WDSUB1: variants seen among roughly 807,000 people sequenced by gnomAD.
WDSUB1 encodes the protein WD repeat, sterile alpha motif and U-box domain containing 1, also known as WD repeat, SAM and U-box domain-containing protein 1.
In WDSUB1, 49 loss-of-function variants were observed where a neutral mutation model predicts 53.9. The observed-to-expected ratio is 0.91, with a 90% CI of 0.72 to 1.15. The LOEUF is 1.15. WDSUB1 is among the 50% of genes most tolerant of loss of function. The pLI, the probability that WDSUB1 is intolerant of heterozygous loss-of-function variation, is 0.00. For missense variants in WDSUB1, 514 were observed against 562.0 expected (o/e 0.91, Z 0.86); for synonymous variants, 194 against 200.6 (o/e 0.97, Z 0.28).
At chr2:159,282,136 T>C (rs1252202952) in intron 2 of WDSUB1, among the ~76,000 whole-genome samples, 1 of 152,126 alleles carries the variant, frequency 6.6e-6, no homozygotes, top group African/African-American at 2.4e-5. Context: ...GCAAATCTAC[T>C]ATAAGAATCA....
intron 10 of WDSUB1, among the ~76,000 whole-genome samples, chr2:159,246,882 T>TTGCA (rs1198386171): frequency 6.6e-6 from 1 of 151,966 alleles, no homozygotes; most frequent in Non-Finnish European, 1.5e-5. Context: ...CTCAAAAGAG[T>TTGCA]TGCAGCCAGA....
chr2:159,238,677 T>C (rs549840082), intron 10 of WDSUB1, among the ~76,000 whole-genome samples: 2 of 152,360 alleles, frequency 1.3e-5, no homozygotes, highest in Non-Finnish European at 2.9e-5. Flanking sequence ...GTTCTATTCC[T>C]GGGCCAACAC....
chr2:159,286,039 C>G (rs2151168100), intron 1 of WDSUB1, among the ~76,000 whole-genome samples: 1 of 152,248 alleles, frequency 6.6e-6, no homozygotes, highest in East Asian at 1.9e-4. Context: ...GTCAGCTGAA[C>G]AGTTTGTTTT....
chr2:159,239,362 T>C (rs1186236057), intron 10 of WDSUB1, among the ~76,000 whole-genome samples: 8 of 146,734 alleles, frequency 5.5e-5, no homozygotes, highest in African/African-American at 2.1e-4. Context: ...TATTCAGTTA[T>C]AACTTTTAAG....
At chr2:159,250,801 G>C (rs2060934152) in intron 9 of WDSUB1, among the ~76,000 whole-genome samples, 1 of 152,124 alleles carries the variant, frequency 6.6e-6, no homozygotes, top group South Asian at 2.1e-4. Flanking sequence ...TTGCTGAAGT[G>C]GGGTATTAGA....
intron 10 of WDSUB1, among the ~76,000 whole-genome samples, chr2:159,243,096 T>C (rs1387845107): frequency 6.8e-6 from 1 of 148,016 alleles, no homozygotes; most frequent in African/African-American, 2.6e-5. Context: ...TGATTAGGAT[T>C]GGGTTTTTTA....
At chr2:159,240,563 T>C (rs1251556613) in intron 10 of WDSUB1, among the ~76,000 whole-genome samples, 1 of 152,198 alleles carries the variant, frequency 6.6e-6, no homozygotes, top group Non-Finnish European at 1.5e-5. Flanking sequence ...TGACCGTCTT[T>C]TGAAGTGCTT....
At chr2:159,272,921 A>G (rs1470121994) in intron 4 of WDSUB1, among the ~76,000 whole-genome samples, 2 of 152,190 alleles carry the variant, frequency 1.3e-5, no homozygotes, top group Non-Finnish European at 2.9e-5. Flanking sequence ...TATTTTGGTG[A>G]CAACCTATAA....
intron 5 of WDSUB1, among the ~76,000 whole-genome samples, chr2:159,264,169 TA>T (rs1005297198): frequency 1.3e-5 from 2 of 151,666 alleles, no homozygotes; most frequent in African/African-American, 4.9e-5. Flanking sequence ...GATTTCAGCC[TA>T]AAAACTTGAA....
At chr2:159,238,372 CTCCTGGGCTCAAGT>C (rs1036150048) in intron 10 of WDSUB1, among the ~76,000 whole-genome samples, 1 of 152,168 alleles carries the variant, frequency 6.6e-6, no homozygotes, top group African/African-American at 2.4e-5. Context: ...TGGTCTCAAG[CTCCTGGGCTCAAGT>C]GACCCTCCTT....
At chr2:159,268,960 G>A (rs2061396441) in intron 5 of WDSUB1, among the ~76,000 whole-genome samples, 1 of 151,964 alleles carries the variant, frequency 6.6e-6, no homozygotes, top group Non-Finnish European at 1.5e-5. Flanking sequence ...AAACCATCCA[G>A]AATGAAGCAT....
chr2:159,250,092 A>T (rs867672899), intron 9 of WDSUB1, among the ~76,000 whole-genome samples: 1 of 120,364 alleles, frequency 8.3e-6, no homozygotes, highest in East Asian at 3.2e-4. Context: ...CTGCCTCAAA[A>T]AAAAAAAAAA....
intron 10 of WDSUB1, among the ~76,000 whole-genome samples, chr2:159,240,084 TCTAA>T (rs1324769390): frequency 1.3e-5 from 2 of 152,196 alleles, no homozygotes; most frequent in Non-Finnish European, 2.9e-5. Context: ...TGTGGCCACC[TCTAA>T]CTGACTTTGT....
At chr2:159,275,772 C>A in intron 3 of WDSUB1, 134 bp from the exon 4 acceptor site, 1 of 647,634 alleles carries the variant, frequency 1.5e-6, no homozygotes, top group South Asian at 2.7e-5. Flanking sequence ...TAACTTATAT[C>A]ATTTAACAAA....
intron 5 of WDSUB1, among the ~76,000 whole-genome samples, chr2:159,267,068 C>T (rs937410140): frequency 4.6e-5 from 7 of 151,762 alleles, no homozygotes; most frequent in East Asian, 2.0e-4. Context: ...CCACCATGCC[C>T]GGTCCATCCT....
intron 5 of WDSUB1, among the ~76,000 whole-genome samples, chr2:159,265,102 A>AAAAC (rs1553457380): frequency 3.4e-5 from 5 of 146,450 alleles, no homozygotes; most frequent in African/African-American, 7.9e-5. Flanking sequence ...AAAAAAAATA[A>AAAAC]AACAACAACA....
At chr2:159,284,766 T>C (rs1006866214) in intron 1 of WDSUB1, among the ~76,000 whole-genome samples, 3 of 152,234 alleles carry the variant, frequency 2.0e-5, no homozygotes, top group Non-Finnish European at 4.4e-5. Context: ...TACAGTCTTA[T>C]GTAATCAAAA....
chr2:159,286,366 G>C (rs1424600109), intron 1 of WDSUB1: 3 of 152,476 alleles, frequency 2.0e-5, no homozygotes, highest in Non-Finnish European at 2.9e-5. Context: ...TCACCCGCAA[G>C]GGGCTTCCTT....
At chr2:159,276,866 G>A (rs1285292077) in intron 3 of WDSUB1, among the ~76,000 whole-genome samples, 1 of 152,176 alleles carries the variant, frequency 6.6e-6, no homozygotes, top group Non-Finnish European at 1.5e-5. Flanking sequence ...TTAGCCGGGT[G>A]TGGTGGCACA....
Sources: allele counts gnomAD v4.1 joint callset (sites outside exome capture counted in the v4.1 genomes callset), GRCh38; gene constraint gnomAD v4.1.1; transcripts MANE v1.5; gene names NCBI Gene and HGNC (gene_info 2026-07-23, HGNC 2026-07-21).